DOK6: variants seen among roughly 807,000 people sequenced by gnomAD.
The protein encoded by DOK6 is downstream of tyrosine kinase 6.
A neutral mutation model predicts 44.0 loss-of-function variants in DOK6; 22 were observed. The observed-to-expected ratio is 0.50, with a 90% CI of 0.36 to 0.71. The LOEUF is 0.71. DOK6 is among the 30% of genes least tolerant of loss of function. The probability of loss-of-function intolerance (pLI) is 0.00; values close to 1 mark genes in which losing one functional copy is unlikely to be tolerated. For synonymous variants in DOK6, 166 were observed against 145.5 expected (o/e 1.14, Z -1.01); for missense variants, 340 against 416.4 (o/e 0.82, Z 1.60).
In DOK6 at chr18:69,513,879, T is replaced by C. The variant is rs909436095; in HGVS notation, c.67-50608T>C. Among the ~76,000 whole-genome samples, 48 of 152,308 alleles carry C rather than the reference T, an allele frequency of 3.2e-4. 1 individual carries two copies. Among genetic ancestry groups the C allele is most frequent in the African/African-American group, 1.1e-3 (47 of 41,588 alleles). ...ACAATTTATAATTAAAATATTACTA[T>C]AATTTGCATTGCAAGTTAGTATTTG... On this transcript the variant is annotated intron_variant, in intron 1 of 7. Coordinates refer to ENST00000382713, the MANE Select transcript of DOK6 (RefSeq NM_152721.6).
intron 1 of DOK6, among the ~76,000 whole-genome samples, chr18:69,425,836 T>G (rs356008): frequency 6.6e-6 from 1 of 152,052 alleles, no homozygotes; most frequent in East Asian, 1.9e-4. Context: ...AAATATTTCT[T>G]TAAATATTAA....
At chr18:69,701,598 C>G (rs1370481939) in intron 5 of DOK6, among the ~76,000 whole-genome samples, 1 of 152,010 alleles carries the variant, frequency 6.6e-6, no homozygotes, top group Non-Finnish European at 1.5e-5. Flanking sequence ...TCAGGCGAAC[C>G]CCTGATCTTT....
chr18:69,568,304 A>T (rs1318860990), intron 2 of DOK6, among the ~76,000 whole-genome samples: 1 of 152,202 alleles, frequency 6.6e-6, no homozygotes, highest in African/African-American at 2.4e-5. Context: ...TACATAATGC[A>T]TGGAATTGTG....
chr18:69,610,511 A>G (rs1444459325), intron 3 of DOK6, among the ~76,000 whole-genome samples: 1 of 152,200 alleles, frequency 6.6e-6, no homozygotes, highest in Non-Finnish European at 1.5e-5. Context: ...AGTATTTTGC[A>G]ATCACTAGAA....
At chr18:69,511,884 A>G (rs1042482461) in intron 1 of DOK6, among the ~76,000 whole-genome samples, 7 of 152,206 alleles carry the variant, frequency 4.6e-5, no homozygotes, top group Non-Finnish European at 2.9e-5. Flanking sequence ...ACCACATAAA[A>G]TAACACATAT....
At position 69,497,742 on chromosome 18, in the gene DOK6, G is replaced by A. The variant is rs73468850; in HGVS notation, c.67-66745G>A. Among the ~76,000 whole-genome samples the A allele has an allele frequency of 1.5e-3, 229 of 152,198 alleles. 2 individuals carry two copies. The highest frequency in any genetic ancestry group is 5.0e-3 in the African/African-American group (208 of 41,518). On this transcript the variant is annotated intron_variant, in intron 1 of 7. Coordinates refer to ENST00000382713, the MANE Select transcript of DOK6 (RefSeq NM_152721.6). ...TGCAGATTCTAGGGAAATTTAGGTC[G>A]CACATCAACTTTATTTTAAAAGCTT...
chr18:69,675,242 C>T (rs761296558), intron 3 of DOK6, among the ~76,000 whole-genome samples: 10 of 152,084 alleles, frequency 6.6e-5, no homozygotes, highest in African/African-American at 2.4e-4. Flanking sequence ...TTGCTTTCTT[C>T]GTCTCATTAA....
chr18:69,644,124 T>C (rs1178942863), intron 3 of DOK6, among the ~76,000 whole-genome samples: 2 of 152,302 alleles, frequency 1.3e-5, no homozygotes, highest in African/African-American at 4.8e-5. Context: ...CTATTGATGT[T>C]GGAGAGTTCT....
At chr18:69,680,082 T>A (rs982488723) in intron 4 of DOK6, among the ~76,000 whole-genome samples, 7 of 152,178 alleles carry the variant, frequency 4.6e-5, no homozygotes, top group African/African-American at 1.7e-4. Context: ...TGTTTAATAA[T>A]CCTAACTTCA....
intron 4 of DOK6, among the ~76,000 whole-genome samples, chr18:69,695,626 A>G (rs1986371890): frequency 6.6e-6 from 1 of 152,210 alleles, no homozygotes; most frequent in Admixed American, 6.5e-5. Context: ...TCGTCATTAT[A>G]ACGGAATTCG....
chr18:69,820,100 A>G (rs1981524272), intron 7 of DOK6, among the ~76,000 whole-genome samples: 1 of 152,196 alleles, frequency 6.6e-6, no homozygotes, highest in African/African-American at 2.4e-5. Flanking sequence ...TTTTGTGTAT[A>G]TAGACATATA....
intron 1 of DOK6, among the ~76,000 whole-genome samples, chr18:69,468,293 A>C (rs908812765): frequency 6.6e-6 from 1 of 152,198 alleles, no homozygotes; most frequent in Admixed American, 6.5e-5. Flanking sequence ...TTTTGCCATT[A>C]AATTCTGCCA....
chr18:69,791,395 C>T (rs1376748163), intron 7 of DOK6, among the ~76,000 whole-genome samples: 2 of 152,156 alleles, frequency 1.3e-5, no homozygotes, highest in East Asian at 3.9e-4. Flanking sequence ...TCCCTTCTCT[C>T]CACATTCTCA....
At chr18:69,471,407 G>T (rs2122489438) in intron 1 of DOK6, among the ~76,000 whole-genome samples, 1 of 152,104 alleles carries the variant, frequency 6.6e-6, no homozygotes, top group Admixed American at 6.5e-5. Context: ...GAACAAAAAT[G>T]AGGTGAATAT....
chr18:69,521,450 A>AAC (rs1981683653), intron 1 of DOK6, among the ~76,000 whole-genome samples: 1 of 150,722 alleles, frequency 6.6e-6, no homozygotes, highest in African/African-American at 2.4e-5. Flanking sequence ...GTCATTTAAA[A>AAC]AAAAAAAACA....
chr18:69,562,280 GT>G (rs1009388363), intron 1 of DOK6, among the ~76,000 whole-genome samples: 138 of 151,122 alleles, frequency 9.1e-4, no homozygotes, highest in Middle Eastern at 3.4e-3. Context: ...AGTAGTCTGG[GT>G]TTTTTTTTCA....
At chr18:69,686,280 A>G (rs1439490778) in intron 4 of DOK6, among the ~76,000 whole-genome samples, 73 of 152,330 alleles carry the variant, frequency 4.8e-4, no homozygotes, top group Non-Finnish European at 2.2e-4. Flanking sequence ...GTACTTTGTT[A>G]TAACAGCCCT....
intron 6 of DOK6, among the ~76,000 whole-genome samples, chr18:69,745,903 G>C (rs75975835): frequency 7.2e-5 from 11 of 152,076 alleles, no homozygotes; most frequent in African/African-American, 2.7e-4. Context: ...CTTTCATTAC[G>C]TGCAGATATT....
chr18:69,682,575 A>G (rs1986067767), intron 4 of DOK6, among the ~76,000 whole-genome samples: 2 of 152,304 alleles, frequency 1.3e-5, no homozygotes, highest in East Asian at 1.9e-4. Context: ...TTGCAACACA[A>G]TTTGAGCCTT....
Sources: allele counts gnomAD v4.1 joint callset (sites outside exome capture counted in the v4.1 genomes callset), GRCh38; gene constraint gnomAD v4.1.1; transcripts MANE v1.5; gene names NCBI Gene and HGNC (gene_info 2026-07-23, HGNC 2026-07-21).